Variants in MYO18B observed in about 807,000 individuals in gnomAD.
MYO18B encodes the protein myosin XVIIIB, also known as unconventional myosin-XVIIIb.
In MYO18B, 204 loss-of-function variants were observed where a neutral mutation model predicts 273.0. That is an observed-to-expected ratio of 0.75 (90% confidence interval 0.67 to 0.84). MYO18B has a LOEUF of 0.84. MYO18B is among the 40% of genes least tolerant of loss of function. The pLI is 0.00. For synonymous variants in MYO18B, 1,330 were observed against 1,305.7 expected, an observed-to-expected ratio of 1.02 and a Z score of -0.40; for missense variants, 3,212 against 3,287.6, an observed-to-expected ratio of 0.98 and a Z score of 0.56.
intron 33 of MYO18B, among the ~76,000 whole-genome samples, chr22:25,919,169 C>G (rs1435234670): frequency 6.6e-6 from 1 of 152,170 alleles, no homozygotes; most frequent in East Asian, 1.9e-4. Flanking sequence ...CTCCACCTCC[C>G]CTAGCTAGGA....
chr22:25,786,914 T>C (rs1414965877), intron 11 of MYO18B, among the ~76,000 whole-genome samples: 2 of 152,158 alleles, frequency 1.3e-5, no homozygotes, highest in African/African-American at 4.8e-5. Context: ...CTCAACATCA[T>C]TGGTCATTAA....
At chr22:25,911,301 G>C (rs1436120943) in intron 33 of MYO18B, among the ~76,000 whole-genome samples, 2 of 152,242 alleles carry the variant, frequency 1.3e-5, no homozygotes, top group Non-Finnish European at 2.9e-5. Context: ...TTCAGCAGCT[G>C]TTGGGATCAG....
intron 12 of MYO18B, among the ~76,000 whole-genome samples, chr22:25,811,767 G>A (rs1042482819): frequency 6.6e-6 from 1 of 152,192 alleles, no homozygotes; most frequent in African/African-American, 2.4e-5. Flanking sequence ...GAGCATTCAG[G>A]TTGTTTCTTG....
intron 29 of MYO18B, chr22:25,898,699 G>A: frequency 2.1e-6 from 1 of 480,882 alleles, no homozygotes; most frequent in South Asian, 3.4e-5. Flanking sequence ...TGTGACCTTG[G>A]GGAACTTTCT....
chr22:25,916,108 A>T (rs2092257337), intron 33 of MYO18B, among the ~76,000 whole-genome samples: 1 of 152,062 alleles, frequency 6.6e-6, no homozygotes, highest in Admixed American at 6.5e-5. Context: ...ATTTCATCTA[A>T]TTTTTCAAAT....
chr22:25,893,669 T>C (rs2091722011), intron 27 of MYO18B, among the ~76,000 whole-genome samples: 1 of 152,206 alleles, frequency 6.6e-6, no homozygotes, highest in Admixed American at 6.5e-5. Context: ...TTTAACTCTT[T>C]ATTATTATAC....
chr22:25,948,502 TC>T (rs1292446869), intron 36 of MYO18B, among the ~76,000 whole-genome samples: 5 of 143,318 alleles, frequency 3.5e-5, no homozygotes, highest in African/African-American at 1.0e-4. Context: ...CTTTCTTTCC[TC>T]TCTTTTCTCT....
rs181567027 is a variant in MYO18B, at chr22:25,767,695, A to G, written c.199-420A>G. On this transcript the variant is annotated intron_variant, in intron 3 of 43. Transcript: ENST00000335473. The stretch of plus-strand genomic sequence containing the variant: ...AATAACAACAGTAGTAGCAGCAGCT[A>G]CTGTTGTTGAGGACACACTATGCGC... Among the ~76,000 whole-genome samples, 27 of 152,340 alleles carry G rather than the reference A, an allele frequency of 1.8e-4. No homozygotes were observed. The Middle Eastern group carries it at 0.01, about 58-fold the overall frequency.
At chr22:25,929,057 G>A (rs2092461003) in intron 34 of MYO18B, among the ~76,000 whole-genome samples, 1 of 151,762 alleles carries the variant, frequency 6.6e-6, no homozygotes, top group South Asian at 2.1e-4. Flanking sequence ...AGCTACTCAG[G>A]AGGCTGAGGC....
At chr22:26,010,395 A>G (rs978415967) in intron 42 of MYO18B, among the ~76,000 whole-genome samples, 2 of 152,138 alleles carry the variant, frequency 1.3e-5, no homozygotes, top group Admixed American at 6.5e-5. Flanking sequence ...GGGCTCAGAG[A>G]GTTCAACAGG....
intron 8 of MYO18B, among the ~76,000 whole-genome samples, chr22:25,778,923 G>A (rs138286382): frequency 1.3e-5 from 2 of 152,118 alleles, no homozygotes; most frequent in African/African-American, 4.8e-5. Context: ...AATACTCCTA[G>A]CGCTGAGATT....
the MYO18B span, among the ~76,000 whole-genome samples, chr22:26,050,508 G>A: frequency 6.6e-6 from 1 of 152,146 alleles, no homozygotes; most frequent in Non-Finnish European, 1.5e-5. Context: ...AAAACTATTT[G>A]AACAGATGAG....
At chr22:25,779,941 A>G in intron 8 of MYO18B, 115 bp from the exon 9 acceptor site, 1 of 1,337,170 alleles carries the variant, frequency 7.5e-7, no homozygotes. Context: ...CCGGGGGCTG[A>G]GGCCAGGATG....
chr22:25,751,241 G>GA (rs1309544029), intron 1 of MYO18B, among the ~76,000 whole-genome samples: 3 of 152,204 alleles, frequency 2.0e-5, no homozygotes, highest in African/African-American at 4.8e-5. Context: ...GAGTGGAACA[G>GA]AAAAAATACA....
At chr22:25,786,510 A>G (rs370658049) in intron 11 of MYO18B, among the ~76,000 whole-genome samples, 173 of 150,900 alleles carry the variant, frequency 1.1e-3, no homozygotes, top group African/African-American at 3.7e-3. Flanking sequence ...AAAAAAATCC[A>G]TATTTCACAT....
chr22:25,849,697 C>T (rs936764288), intron 20 of MYO18B, among the ~76,000 whole-genome samples: 5 of 152,138 alleles, frequency 3.3e-5, no homozygotes, highest in African/African-American at 9.7e-5. Context: ...TTCTGGCCAC[C>T]ACCTCTCACC....
At chr22:26,053,505 C>T in the MYO18B span, among the ~76,000 whole-genome samples, 1 of 152,130 alleles carries the variant, frequency 6.6e-6, no homozygotes, top group Non-Finnish European at 1.5e-5. Flanking sequence ...TCCTGGTCAC[C>T]GTCTTATTAC....
At chr22:25,913,365 T>TTTTCG (rs1487937263) in intron 33 of MYO18B, among the ~76,000 whole-genome samples, 1 of 151,868 alleles carries the variant, frequency 6.6e-6, no homozygotes, top group Non-Finnish European at 1.5e-5. Context: ...TGGCTTTTTC[T>TTTTCG]TTTCTTTTCT....
At chr22:25,914,686 C>CCT (rs2092227604) in intron 33 of MYO18B, among the ~76,000 whole-genome samples, 1 of 50,824 alleles carries the variant, frequency 2.0e-5, no homozygotes, top group Non-Finnish European at 3.4e-5. Flanking sequence ...AGTTTTGACT[C>CCT]TTTTTTTTTT....
Sources: gnomAD v4.1 joint callset for allele counts (sites outside exome capture counted in the v4.1 genomes callset) on GRCh38, gnomAD v4.1.1 for gene constraint, MANE v1.5 for transcripts, NCBI Gene and HGNC (gene_info 2026-07-23, HGNC 2026-07-21) for gene names.